ADAMTS2: variants seen among roughly 807,000 people sequenced by gnomAD.
ADAMTS2 encodes the protein A disintegrin and metalloproteinase with thrombospondin motifs 2.
Under a neutral mutation model 123.0 loss-of-function variants are expected in ADAMTS2, and 50 were observed. The ratio of observed to expected loss-of-function variants is 0.41; its 90% CI spans 0.32 to 0.51. The LOEUF is 0.51. Ranked by LOEUF, ADAMTS2 falls within the 20% of genes least tolerant of loss-of-function variation. The pLI is 0.35. For missense variants in ADAMTS2, 1,494 were observed against 1,705.2 expected, an observed-to-expected ratio of 0.88 and a Z score of 2.18; for synonymous variants, 678 against 695.4, an observed-to-expected ratio of 0.98 and a Z score of 0.39.
chr5:179,317,651 T>G lies in ADAMTS2; in HGVS notation c.534+26116A>C, dbSNP rs1322936268. On this transcript the variant is annotated intron_variant, in intron 2 of 21. Coordinates refer to ENST00000251582, the MANE Select transcript of ADAMTS2 (RefSeq NM_014244.5). The surrounding 1 kb of genome is among the most constrained non-coding windows in gnomAD (Gnocchi z 4.9). ...GGCCAGCGGGCACAGAGCATATGTG[T>G]GCTGAGGGACACATGCCCCACACAA... is the stretch of plus-strand genomic sequence containing the variant. 6.6e-6 allele frequency among the ~76,000 whole-genome samples: 1 copy of G among 152,116 alleles called. No individual in the cohort carries two copies. The highest frequency in any genetic ancestry group is 1.5e-5 in the Non-Finnish European group (1 of 68,002).
chr5:179,137,928 G>A lies in ADAMTS2; in HGVS notation c.1792C>T (p.Arg598Cys), dbSNP rs374720937. 4.5e-6 allele frequency: 7 copies of A among 1,547,722 alleles called. No homozygotes were observed. Among genetic ancestry groups the A allele is most frequent in the Non-Finnish European group, 6.1e-6 (7 of 1,147,776 alleles). The change falls in exon 12 of 22, where the codon CGC becomes TGC. Residue 598 changes from arginine to cysteine, a missense_variant. Transcript: ENST00000251582. Reference sequence around the variant, plus strand: ...TCGTAGGCAAGGCCCGAGCAGGTGCGGCCCCCGTTGGCCGGGCTGGAGGAG... The same window carrying A: ...TCGTAGGCAAGGCCCGAGCAGGTGCAGCCCCCGTTGGCCGGGCTGGAGGAG... ...CDNPHPANGGRTCSGLAYDFQ... is the reference protein window; with the variant it reads ...CDNPHPANGGCTCSGLAYDFQ...
Position 179,136,059 on chromosome 5 carries a change from T to C in ADAMTS2, c.1952-17A>G. The C allele has an allele frequency of 6.2e-7, 1 of 1,612,972 alleles. No individual in the cohort carries two copies. The highest frequency in any genetic ancestry group is 8.5e-7 in the Non-Finnish European group (1 of 1,179,874). On this transcript the variant is annotated splice_polypyrimidine_tract_variant and intron_variant, in intron 12 of 21. Transcript: ENST00000251582. ...TCTCCTTGGCTGGAAGGGAAGCAGCTGGGGGTCTGCAAGGAGCCCTGATGG... is the reference window on the plus strand; with the variant it reads ...TCTCCTTGGCTGGAAGGGAAGCAGCCGGGGGTCTGCAAGGAGCCCTGATGG...
chr5:179,239,709 G>A (rs1765617886), intron 3 of ADAMTS2, among the ~76,000 whole-genome samples: 1 of 152,138 alleles, frequency 6.6e-6, no homozygotes, highest in South Asian at 2.1e-4. Context: ...CGCCCACAGA[G>A]GGGTGCAGAG....
chr5:179,291,344 GC>G (rs1044332243), intron 2 of ADAMTS2, among the ~76,000 whole-genome samples: 3 of 152,228 alleles, frequency 2.0e-5, no homozygotes, highest in African/African-American at 7.2e-5. Context: ...GGTGCCCAGG[GC>G]GGTGGCCCAC....
At chr5:179,245,969 A>G (rs982568265) in intron 3 of ADAMTS2, among the ~76,000 whole-genome samples, 4 of 152,152 alleles carry the variant, frequency 2.6e-5, no homozygotes, top group Non-Finnish European at 5.9e-5. Context: ...CCCCTCCACA[A>G]AAACAGGAAA....
At position 179,113,455 on chromosome 5, in the gene ADAMTS2, T is replaced by C. The variant is rs1762601621; in HGVS notation, c.*412A>G. The C allele has an allele frequency of 3.8e-6, 1 of 263,652 alleles. No individual in the cohort carries two copies. The highest frequency in any genetic ancestry group is 5.0e-5 in the Admixed American group (1 of 20,140). 16.3% of individuals were successfully genotyped at this position (263,652 alleles called of 1,614,324 possible). A position where few individuals can be genotyped will look rare whatever the true frequency, so the allele number is the denominator to read the frequency against. On this transcript the variant is annotated 3_prime_UTR_variant, in exon 22 of 22. Transcript: ENST00000251582. ...TTATTCAGTAAATCACCATTTCTCC[T>C]AAGAGTCCCACAGGCTGTGTCTGGG...
chr5:179,265,771 G>A (rs1347163731), intron 3 of ADAMTS2, among the ~76,000 whole-genome samples: 2 of 152,244 alleles, frequency 1.3e-5, no homozygotes, highest in Admixed American at 6.5e-5. Context: ...CGGTCTGCAC[G>A]AGGACAGGAG....
chr5:179,255,672 G>C lies in ADAMTS2; in HGVS notation c.688+17239C>G, dbSNP rs370401505. Among the ~76,000 whole-genome samples, 14 of 152,148 alleles carry C rather than the reference G, an allele frequency of 9.2e-5. No homozygotes were observed. The South Asian group carries it at 1.7e-3, about 18-fold the overall frequency. Reference sequence around the variant, plus strand: ...GTCAGCAAAGCCCTGAGGTAGAGCCGTCTCCCAAGATTATGGCCTGGCTGG... The same window carrying C: ...GTCAGCAAAGCCCTGAGGTAGAGCCCTCTCCCAAGATTATGGCCTGGCTGG... On this transcript the variant is annotated intron_variant, in intron 3 of 21. Transcript: ENST00000251582.
At chr5:179,203,993 A>G (rs933645802) in intron 4 of ADAMTS2, among the ~76,000 whole-genome samples, 3 of 152,238 alleles carry the variant, frequency 2.0e-5, no homozygotes, top group Admixed American at 6.5e-5. Context: ...ATCCACCCAC[A>G]CACGGGATAC....
At position 179,272,218 on chromosome 5, in the gene ADAMTS2, G is replaced by A. The variant is rs1012207047; in HGVS notation, c.688+693C>T. 3.3e-5 allele frequency among the ~76,000 whole-genome samples: 5 copies of A among 152,204 alleles called. No homozygotes were observed. The highest frequency in any genetic ancestry group is 1.3e-4 in the Admixed American group (2 of 15,290). The stretch of plus-strand genomic sequence containing the variant: ...GGCACAGTGAGGCCAGATCTGAGGC[G>A]ACAGTCATGGACTGTCACCATGGCC... On this transcript the variant is annotated intron_variant, in intron 3 of 21. Coordinates refer to ENST00000251582, the MANE Select transcript of ADAMTS2 (RefSeq NM_014244.5). The surrounding 1 kb of genome is among the most constrained non-coding windows in gnomAD (Gnocchi z 5.8).
At chr5:179,200,249 T>TTTC (rs1461429488) in intron 4 of ADAMTS2, among the ~76,000 whole-genome samples, 2 of 143,970 alleles carry the variant, frequency 1.4e-5, no homozygotes, top group African/African-American at 5.3e-5. Flanking sequence ...CTTTCCTTTT[T>TTTC]TTTTTTTTTT....
chr5:179,296,388 C>T lies in ADAMTS2; in HGVS notation c.535-23324G>A, dbSNP rs1756332592. On this transcript the variant is annotated intron_variant, in intron 2 of 21. Transcript: ENST00000251582. ...GTGGGTGAGCAGGGAGCGGGAAGGT[C>T]CCAAGGGGGGATGCTGCCTGCAGAG... Among the ~76,000 whole-genome samples the T allele has an allele frequency of 2.0e-5, 3 of 152,094 alleles. No individual in the cohort carries two copies. In the South Asian group the frequency reaches 6.2e-4, roughly 32 times the overall value.
chr5:179,303,280 G>A lies in ADAMTS2; in HGVS notation c.535-30216C>T, dbSNP rs1756581846. Among the ~76,000 whole-genome samples, 1 of 152,164 alleles carries A rather than the reference G, an allele frequency of 6.6e-6. No homozygotes were observed. Among genetic ancestry groups the A allele is most frequent in the East Asian group, 1.9e-4 (1 of 5,202 alleles). ...CTGATTATAAACCGCTCAACACATA[G>A]AGAGGTCCCTAGGAGAAGGTTCAGG... On this transcript the variant is annotated intron_variant, in intron 2 of 21. Transcript: ENST00000251582. This position sits in a 1 kb window ranked among gnomAD's most constrained non-coding sequence, Gnocchi z 4.7.
chr5:179,321,245 C>T (rs1343431356), intron 2 of ADAMTS2, among the ~76,000 whole-genome samples: 1 of 150,460 alleles, frequency 6.6e-6, no homozygotes, highest in East Asian at 2.0e-4. Context: ...GAGGCAGGGC[C>T]ACACACACAT....
chr5:179,163,666 G>A (rs998597641), intron 5 of ADAMTS2, among the ~76,000 whole-genome samples: 1 of 152,212 alleles, frequency 6.6e-6, no homozygotes, highest in African/African-American at 2.4e-5. Flanking sequence ...GCTGGCTTCT[G>A]TGGTTCAGCC....
chr5:179,153,926 G>A (rs910977272), intron 8 of ADAMTS2, 123 bp downstream of exon 8: 22 of 1,354,096 alleles, frequency 1.6e-5, no homozygotes, highest in African/African-American at 1.0e-4. Context: ...CTCCTCCCCC[G>A]CACACAAGCT....
At chr5:179,122,863 G>T in intron 19 of ADAMTS2, 90 bp from the exon 20 acceptor site, 1 of 1,533,882 alleles carries the variant, frequency 6.5e-7, no homozygotes, top group South Asian at 1.2e-5. Flanking sequence ...CCAGGCACAT[G>T]ACCCATGCGC....
At chr5:179,178,779 T>G (rs1009465300) in intron 5 of ADAMTS2, among the ~76,000 whole-genome samples, 2 of 152,244 alleles carry the variant, frequency 1.3e-5, no homozygotes, top group African/African-American at 4.8e-5. Flanking sequence ...CTGTTGAAAT[T>G]CATTCAAATG....
At chr5:179,122,875 C>T in intron 19 of ADAMTS2, 102 bp from the exon 20 acceptor site, 1 of 1,515,970 alleles carries the variant, frequency 6.6e-7, no homozygotes, top group Non-Finnish European at 8.9e-7. Flanking sequence ...CCCATGCGCT[C>T]AGGAGGAGGT....
Sources: allele counts gnomAD v4.1 joint callset (sites outside exome capture counted in the v4.1 genomes callset), GRCh38; gene constraint gnomAD v4.1.1; non-coding constraint Gnocchi (gnomAD v3.1); transcripts MANE v1.5; gene names NCBI Gene and HGNC (gene_info 2026-07-23, HGNC 2026-07-21).